AVPR1A: variants seen among roughly 807,000 people sequenced by gnomAD.
The protein encoded by AVPR1A is vasopressin V1a receptor.
Under a neutral mutation model 31.5 loss-of-function variants are expected in AVPR1A, and 31 were observed. That is an observed-to-expected ratio of 0.99 (90% CI 0.74 to 1.33). AVPR1A has a LOEUF of 1.33. Ranked by LOEUF, AVPR1A falls within the 40% of genes most tolerant of loss-of-function variation. The pLI, the probability that AVPR1A is intolerant of heterozygous loss-of-function variation, is 0.00. For missense variants in AVPR1A, 570 were observed against 575.2 expected (o/e 0.99, Z 0.09); for synonymous variants, 243 against 233.2 (o/e 1.04, Z -0.38).
rs113754828 is a variant in AVPR1A, at chr12:63,149,800, A to T, written c.970+67T>A. 0.015 allele frequency: 11,963 copies of T among 810,126 alleles called. 23 individuals carry two copies. The highest frequency in any genetic ancestry group is 0.018 in the African/African-American group (683 of 38,598). The allele number at this position is 810,126 out of a possible 1,614,324, so 50.2% of individuals were successfully genotyped here. ...CTCTCTCTCTCTCTCTCTCTCTCTC[A>T]CACACACACACACACACACACACAC... On this transcript the variant is annotated intron_variant, in intron 1 of 1. Coordinates refer to ENST00000299178, the MANE Select transcript of AVPR1A (RefSeq NM_000706.5).
rs1868357230 is a variant in AVPR1A, at chr12:63,146,163, AAGTGTTATC to A, written c.*1187_*1195del. The A allele has an allele frequency of 2.0e-5, 3 of 152,218 alleles. No homozygotes were observed. The highest frequency in any genetic ancestry group is 7.2e-5 in the African/African-American group (3 of 41,454). The allele number at this position is 152,218 out of a possible 1,614,324, so 9.4% of individuals were successfully genotyped here. ...AGTCCTTACAACAACCCTGTGAGGT[AAGTGTTATC>A]AACCCCACGGTAAGTCAAGGAAACA... On this transcript the variant is annotated 3_prime_UTR_variant, in exon 2 of 2. Coordinates refer to ENST00000299178, the MANE Select transcript of AVPR1A (RefSeq NM_000706.5).
chr12:63,148,376 CAATA>C (rs750493970), intron 1 of AVPR1A, among the ~76,000 whole-genome samples: 171 of 152,204 alleles, frequency 1.1e-3, no homozygotes, highest in Middle Eastern at 6.8e-3. Flanking sequence ...TAAGAATAAT[CAATA>C]AACACTGACT....
At position 63,150,079 on chromosome 12, in the gene AVPR1A, G is replaced by A. The variant is rs866629670; in HGVS notation, c.758C>T (p.Ser253Leu). 6.2e-7 allele frequency: 1 copy of A among 1,614,084 alleles called. No homozygotes were observed. Among genetic ancestry groups the A allele is most frequent in the Non-Finnish European group, 8.5e-7 (1 of 1,180,024 alleles). ...TTGCTCTGCACCCTTGCTCTGGCGC[G>A]ACGCCGTCTTCCCGCGGACGTTGCA... is the stretch of plus-strand genomic sequence containing the variant. Reference protein sequence around the residue: ...IWCNVRGKTASRQSKGAEQAG... With the variant: ...IWCNVRGKTALRQSKGAEQAG... The change falls in exon 1 of 2, where the codon TCG (serine) becomes TTG (leucine). Residue 253 changes from serine to leucine, a missense_variant. Ser to Leu is a moderately radical substitution (Grantham distance 145). Transcript: ENST00000299178. This position sits in a 1 kb window ranked among gnomAD's most constrained non-coding sequence, Gnocchi z 4.9.
chr12:63,147,133 T>A lies in AVPR1A; in HGVS notation c.*226A>T, dbSNP rs1868369885. On this transcript the variant is annotated 3_prime_UTR_variant, in exon 2 of 2. Coordinates refer to ENST00000299178, the MANE Select transcript of AVPR1A (RefSeq NM_000706.5). ...ATAACTTCTGTTGTATTTCTGGGAATCAGACCTGCATATTTTAGTACAGCA... is the reference window on the plus strand; with the variant it reads ...ATAACTTCTGTTGTATTTCTGGGAAACAGACCTGCATATTTTAGTACAGCA... 6.3e-6 allele frequency: 3 copies of A among 476,942 alleles called. No homozygotes were observed. The highest frequency in any genetic ancestry group is 1.1e-5 in the Non-Finnish European group (3 of 274,026). The allele number at this position is 476,942 out of a possible 1,614,324, so 29.5% of individuals were successfully genotyped here.
Position 63,149,982 on chromosome 12 carries a change from G to C in AVPR1A, c.855C>G (p.Ala285=). Residue 285 remains alanine (A), a synonymous_variant, in exon 1 of 2, where the codon GCC becomes GCG. Coordinates refer to ENST00000299178, the MANE Select transcript of AVPR1A (RefSeq NM_000706.5). ...AAGTCATCTTCACCGTGCGGATCTT[G>C]GCCCGGGAAATGGACTTCACGCTGC... ...CVSSVKSISR[A]KIRTVKMTFV... 1 of 1,614,100 alleles carries C rather than the reference G, an allele frequency of 6.2e-7. No homozygotes were observed. Among genetic ancestry groups the C allele is most frequent in the Non-Finnish European group, 8.5e-7 (1 of 1,180,038 alleles).
In AVPR1A at chr12:63,150,595, C is replaced by A. The variant is rs372577812; in HGVS notation, c.242G>T (p.Arg81Leu). Residue 81 changes from arginine to leucine, a missense_variant, in exon 1 of 2, where the codon CGC (arginine) becomes CTC (leucine). By Grantham distance (102) the Arg-to-Leu change is moderately radical. Transcript: ENST00000299178. This position sits in a 1 kb window ranked among gnomAD's most constrained non-coding sequence, Gnocchi z 4.9. ...GAAGAGGTGCATGCGGGACGTCTTG[C>A]GCGGCGTCCGGTGCAGAGCCAGCAG... ...SVLLALHRTP[R>L]KTSRMHLFIR... 3.1e-6 allele frequency: 5 copies of A among 1,610,514 alleles called. No homozygotes were observed. The highest frequency in any genetic ancestry group is 2.2e-5 in the East Asian group (1 of 44,862).
intron 1 of AVPR1A, 47 bp from the exon 2 acceptor site, chr12:63,147,692 G>A (rs773187619): frequency 2.6e-6 from 4 of 1,556,636 alleles, no homozygotes; most frequent in Non-Finnish European, 3.5e-6. Context: ...AGTGAACCAT[G>A]GATAAACTCA....
chr12:63,150,197 G>GTTC lies in AVPR1A; in HGVS notation c.639_640insGAA (p.Ser213_Arg214insGlu), dbSNP rs756736522. The GTTC allele has an allele frequency of 6.2e-7, 1 of 1,613,948 alleles. No individual in the cohort carries two copies. Among genetic ancestry groups the GTTC allele is most frequent in the African/African-American group, 1.3e-5 (1 of 75,062 alleles). On this transcript the variant is annotated inframe_insertion, in exon 1 of 2. Transcript: ENST00000299178. The surrounding 1 kb of genome is among the most constrained non-coding windows in gnomAD (Gnocchi z 4.9). Reference sequence around the variant, plus strand: ...CCCGTCATCCAGGTCACGTAGGCACGAGAACCCCAGGGCTGGATGAAGGTG... The same window carrying GTTC: ...CCCGTCATCCAGGTCACGTAGGCACGTTCAGAACCCCAGGGCTGGATGAAGGTG...
intron 1 of AVPR1A, 140 bp downstream of exon 1, chr12:63,149,727 G>A (rs1868417594): frequency 7.7e-7 from 1 of 1,293,024 alleles, no homozygotes. Context: ...AAAAACTACT[G>A]CCCTAGAAGA....
rs923449778 is a variant in AVPR1A at position 63,147,259 on chromosome 12, G to T, written c.*100C>A. 2 of 1,355,678 alleles carry T rather than the reference G, an allele frequency of 1.5e-6. No homozygotes were observed. The highest frequency in any genetic ancestry group is 2.3e-5 in the East Asian group (1 of 42,878). The allele number at this position is 1,355,678 out of a possible 1,614,324, so 84.0% of individuals were successfully genotyped here. Reference sequence around the variant, plus strand: ...CTCATACACAATGAATTGATTTATGGTTATATTAATAAAGTGTATTTGTTC... The same window carrying T: ...CTCATACACAATGAATTGATTTATGTTTATATTAATAAAGTGTATTTGTTC... On this transcript the variant is annotated 3_prime_UTR_variant, in exon 2 of 2. Coordinates refer to ENST00000299178, the MANE Select transcript of AVPR1A (RefSeq NM_000706.5).
chr12:63,149,796 TCTCACACACA>T, intron 1 of AVPR1A, 61 bp downstream of exon 1: 2 of 1,106,498 alleles, frequency 1.8e-6, no homozygotes, highest in South Asian at 1.9e-5. Context: ...TCTCTCTCTC[TCTCACACACA>T]CACACACACA....
In AVPR1A at chr12:63,144,330, T is replaced by C. The variant is rs1868341783; in HGVS notation, c.*3029A>G. ...ACCCATTAAGCACTTAATAATGCAC[T>C]CTAAATTGTTTATTTACCATCATCA... On this transcript the variant is annotated 3_prime_UTR_variant, in exon 2 of 2. Coordinates refer to ENST00000299178, the MANE Select transcript of AVPR1A (RefSeq NM_000706.5). 2.0e-5 allele frequency: 3 copies of C among 152,224 alleles called. No homozygotes were observed. The highest frequency in any genetic ancestry group is 6.5e-5 in the Admixed American group (1 of 15,288). The allele number at this position is 152,224 out of a possible 1,614,324, so 9.4% of individuals were successfully genotyped here. A position where few individuals can be genotyped will look rare whatever the true frequency, so the allele number is the denominator to read the frequency against.
In AVPR1A at chr12:63,143,134, T is replaced by C. The variant is rs1281709845; in HGVS notation, c.*4225A>G. 6.6e-6 allele frequency: 1 copy of C among 151,932 alleles called. No individual in the cohort carries two copies. Among genetic ancestry groups the C allele is most frequent in the Non-Finnish European group, 1.5e-5 (1 of 67,914 alleles). The allele number at this position is 151,932 out of a possible 1,614,324, so 9.4% of individuals were successfully genotyped here. A position where few individuals can be genotyped will look rare whatever the true frequency, so the allele number is the denominator to read the frequency against. On this transcript the variant is annotated 3_prime_UTR_variant, in exon 2 of 2. Transcript: ENST00000299178. ...GAAGACATACCTTCATATGTGAAAA[T>C]ATTATTTTATATTAATAATAATTAT...
At position 63,147,542 on chromosome 12, in the gene AVPR1A, G is replaced by A; in HGVS notation, c.1074C>T (p.Asp358=). ...GGCAGCATGGGAAGCTTTGAACACA[G>A]TCTTGAAGGAGATGGCCACTAAAAA... The part of the protein sequence containing the change: ...YMFFSGHLLQ[D]CVQSFPCCQN... The change falls in exon 2 of 2, where the codon GAC becomes GAT. Residue 358 remains aspartate (D), a synonymous_variant. Transcript: ENST00000299178. The A allele has an allele frequency of 6.2e-7, 1 of 1,614,140 alleles. No individual in the cohort carries two copies. Among genetic ancestry groups the A allele is most frequent in the African/African-American group, 1.3e-5 (1 of 75,046 alleles).
chr12:63,147,939 ATCTC>A (rs1269419310), intron 1 of AVPR1A, among the ~76,000 whole-genome samples: 1 of 152,174 alleles, frequency 6.6e-6, no homozygotes, highest in Non-Finnish European at 1.5e-5. Flanking sequence ...GATTTAAAAA[ATCTC>A]TATCTTCTAT....
At position 63,143,375 on chromosome 12, in the gene AVPR1A, AT is replaced by A. The variant is rs1868334852; in HGVS notation, c.*3983del. On this transcript the variant is annotated 3_prime_UTR_variant, in exon 2 of 2. Transcript: ENST00000299178. Reference sequence around the variant, plus strand: ...ATTTAACATTTAGCCATAATAATATATAACATACTACAGGTCACATGTACAT... The same window carrying A: ...ATTTAACATTTAGCCATAATAATATAAACATACTACAGGTCACATGTACAT... 6.6e-6 allele frequency: 1 copy of A among 152,196 alleles called. No homozygotes were observed. The highest frequency in any genetic ancestry group is 1.5e-5 in the Non-Finnish European group (1 of 68,024). 9.4% of individuals were successfully genotyped at this position (152,196 alleles called of 1,614,324 possible). A position where few individuals can be genotyped will look rare whatever the true frequency, so the allele number is the denominator to read the frequency against.
chr12:63,148,376 C>T (rs1052690142), intron 1 of AVPR1A, among the ~76,000 whole-genome samples: 24 of 152,086 alleles, frequency 1.6e-4, no homozygotes, highest in African/African-American at 5.6e-4. Flanking sequence ...TAAGAATAAT[C>T]AATAAACACT....
In AVPR1A at chr12:63,145,623, CAAAA is replaced by C; in HGVS notation, c.*1732_*1735del. 7.6e-6 allele frequency: 1 copy of C among 132,158 alleles called. No homozygotes were observed. Among genetic ancestry groups the C allele is most frequent in the Non-Finnish European group, 1.6e-5 (1 of 62,484 alleles). The allele number at this position is 132,158 out of a possible 1,614,324, so 8.2% of individuals were successfully genotyped here. A position where few individuals can be genotyped will look rare whatever the true frequency, so the allele number is the denominator to read the frequency against. On this transcript the variant is annotated 3_prime_UTR_variant, in exon 2 of 2. Transcript: ENST00000299178. ...CTGGCAAAAGAGCAAGACTCTGTTT[CAAAA>C]AAAAAAAAAGCAACTATTACTTCCT...
rs1172416313 is a variant in AVPR1A, at chr12:63,144,494, A to C, written c.*2865T>G. 2.0e-5 allele frequency: 3 copies of C among 152,208 alleles called. No homozygotes were observed. The highest frequency in any genetic ancestry group is 4.4e-5 in the Non-Finnish European group (3 of 68,042). 9.4% of individuals were successfully genotyped at this position (152,208 alleles called of 1,614,324 possible). A position where few individuals can be genotyped will look rare whatever the true frequency, so the allele number is the denominator to read the frequency against. On this transcript the variant is annotated 3_prime_UTR_variant, in exon 2 of 2. Coordinates refer to ENST00000299178, the MANE Select transcript of AVPR1A (RefSeq NM_000706.5). Reference sequence around the variant, plus strand: ...CCCACTGTTAACTGTGAAAAATAAAATAAGGTGCTGCAACACATTTTTTTC... The same window carrying C: ...CCCACTGTTAACTGTGAAAAATAAACTAAGGTGCTGCAACACATTTTTTTC...
Sources: allele counts gnomAD v4.1 joint callset (sites outside exome capture counted in the v4.1 genomes callset), GRCh38; gene constraint gnomAD v4.1.1; non-coding constraint Gnocchi (gnomAD v3.1); transcripts MANE v1.5; gene names NCBI Gene and HGNC (gene_info 2026-07-23, HGNC 2026-07-21).